Variants in ARHGEF3 observed in about 807,000 individuals in gnomAD.
The protein encoded by ARHGEF3 is 59.8 kDA protein.
Under a neutral mutation model 63.2 loss-of-function variants are expected in ARHGEF3, and 28 were observed. The ratio of observed to expected loss-of-function variants is 0.44; its 90% CI spans 0.33 to 0.61. The LOEUF (loss-of-function observed/expected upper bound fraction) is 0.61, where lower values mean the gene tolerates loss of function less well. Among genes scored for constraint, ARHGEF3 ranks in the 20% least tolerant of loss-of-function variants. ARHGEF3 has a pLI of 0.03. For missense variants in ARHGEF3, 533 were observed against 659.3 expected, an observed-to-expected ratio of 0.81 and a Z score of 2.10; for synonymous variants, 266 against 254.2, an observed-to-expected ratio of 1.05 and a Z score of -0.44.
intron 2 of ARHGEF3, among the ~76,000 whole-genome samples, chr3:57,031,083 G>A (rs1444790600): frequency 6.6e-6 from 1 of 152,090 alleles, no homozygotes; most frequent in African/African-American, 2.4e-5. Flanking sequence ...AAGGATCCTA[G>A]GTCCACCCTA....
At chr3:57,059,345 CA>C (rs1473788211) in intron 1 of ARHGEF3, among the ~76,000 whole-genome samples, 1 of 151,626 alleles carries the variant, frequency 6.6e-6, no homozygotes, top group African/African-American at 2.4e-5. Context: ...TCTTGGGCCA[CA>C]CATAAAATAC....
At chr3:56,842,041 G>A (rs997574564) in intron 4 of ARHGEF3, among the ~76,000 whole-genome samples, 6 of 152,060 alleles carry the variant, frequency 3.9e-5, no homozygotes, top group African/African-American at 1.4e-4. Flanking sequence ...GCCATATGAA[G>A]TAGGAACTAC....
chr3:56,856,503 T>G (rs75897492), intron 4 of ARHGEF3, among the ~76,000 whole-genome samples: 3,537 of 152,188 alleles, frequency 0.023, 50 homozygotes, highest in African/African-American at 0.039. Flanking sequence ...ATACAGATCC[T>G]CTTTACAGAT....
intron 1 of ARHGEF3, among the ~76,000 whole-genome samples, chr3:57,052,860 C>T: frequency 6.6e-6 from 1 of 152,222 alleles, no homozygotes; most frequent in Non-Finnish European, 1.5e-5. Context: ...GAGCACAAAC[C>T]ACCCCCAGGG....
intron 4 of ARHGEF3, among the ~76,000 whole-genome samples, chr3:56,872,290 AC>A (rs1441329356): frequency 2.0e-5 from 3 of 152,196 alleles, no homozygotes; most frequent in African/African-American, 7.2e-5. Context: ...AGGACTATCC[AC>A]AATACAGTGT....
At chr3:56,862,042 A>T (rs953858148) in intron 4 of ARHGEF3, among the ~76,000 whole-genome samples, 4 of 152,186 alleles carry the variant, frequency 2.6e-5, no homozygotes, top group African/African-American at 9.7e-5. Flanking sequence ...CTACAAAGGC[A>T]AAAACATAGA....
rs138925200 is a variant in ARHGEF3 at position 56,961,014 on chromosome 3, C to A, written c.63-2125G>T. On this transcript the variant is annotated intron_variant, in intron 2 of 12. Coordinates refer to the ARHGEF3 transcript ENST00000338458. ...AAATGTGTCTTTATCTTACATGTTG[C>A]AATCCACAGAAGATCACACATAATG... Among the ~76,000 whole-genome samples, 430 of 152,216 alleles carry A rather than the reference C, an allele frequency of 2.8e-3. 1 individual carries two copies. The highest frequency in any genetic ancestry group is 7.1e-3 in the African/African-American group (296 of 41,540).
At chr3:57,047,086 C>T (rs918870862) in intron 1 of ARHGEF3, among the ~76,000 whole-genome samples, 2 of 152,204 alleles carry the variant, frequency 1.3e-5, no homozygotes, top group African/African-American at 2.4e-5. Context: ...TGGTGGCTAA[C>T]GCCTGTAATC....
At chr3:57,019,046 G>A (rs1703137910) in intron 2 of ARHGEF3, among the ~76,000 whole-genome samples, 1 of 152,156 alleles carries the variant, frequency 6.6e-6, no homozygotes, top group Non-Finnish European at 1.5e-5. Context: ...CCAATGTTAA[G>A]CCACCTGGAT....
intron 2 of ARHGEF3, among the ~76,000 whole-genome samples, chr3:57,030,122 G>T (rs1703671445): frequency 6.6e-6 from 1 of 152,214 alleles, no homozygotes; most frequent in Admixed American, 6.5e-5. Context: ...ACTGCCTGCA[G>T]CGCTGGGGCA....
intron 2 of ARHGEF3, among the ~76,000 whole-genome samples, chr3:57,013,775 T>C (rs1702813393): frequency 6.6e-6 from 1 of 152,224 alleles, no homozygotes; most frequent in Admixed American, 6.5e-5. Flanking sequence ...GCTCAGGGAT[T>C]GTAAACATAC....
intron 2 of ARHGEF3, among the ~76,000 whole-genome samples, chr3:56,759,373 T>C (rs2035285548): frequency 6.6e-6 from 1 of 151,830 alleles, no homozygotes; most frequent in Non-Finnish European, 1.5e-5. Context: ...AGAGATGGGG[T>C]TTCACCATGT....
intron 2 of ARHGEF3, among the ~76,000 whole-genome samples, chr3:56,988,332 G>A (rs1223281168): frequency 2.0e-5 from 3 of 151,900 alleles, no homozygotes; most frequent in African/African-American, 7.3e-5. Flanking sequence ...TATTTGTAGT[G>A]GAGACGGGGT....
At chr3:56,834,028 T>A (rs564048574) in intron 4 of ARHGEF3, among the ~76,000 whole-genome samples, 18 of 151,882 alleles carry the variant, frequency 1.2e-4, no homozygotes, top group African/African-American at 4.4e-4. Flanking sequence ...CTCAGTCTCC[T>A]GAGTAGCTGA....
At chr3:56,768,264 G>A (rs1247534847) in intron 2 of ARHGEF3, among the ~76,000 whole-genome samples, 1 of 152,064 alleles carries the variant, frequency 6.6e-6, no homozygotes, top group Non-Finnish European at 1.5e-5. Context: ...TCGCCATGTT[G>A]GCCAGGTTGG....
chr3:56,947,454 C>CA lies in ARHGEF3; in HGVS notation c.129+11368dup, dbSNP rs575550862. Among the ~76,000 whole-genome samples the CA allele has an allele frequency of 3.0e-4, 45 of 151,882 alleles. No homozygotes were observed. In the South Asian group the frequency reaches 8.9e-3, roughly 30 times the overall value. ...GAAGATCTACCAAGCAAATGGAAAA[C>CA]AAAAAAATGCAGGGGTTGCAATCCT... On this transcript the variant is annotated intron_variant, in intron 3 of 12. Coordinates refer to the ARHGEF3 transcript ENST00000338458.
At chr3:56,753,349 T>A in intron 4 of ARHGEF3, 155 bp downstream of exon 4, 2 of 655,872 alleles carry the variant, frequency 3.0e-6, no homozygotes, top group Non-Finnish European at 5.3e-6. Flanking sequence ...TATTCTGCCC[T>A]CTTGTTTTGA....
intron 2 of ARHGEF3, among the ~76,000 whole-genome samples, chr3:57,001,166 C>T (rs1040135095): frequency 2.0e-5 from 3 of 152,128 alleles, no homozygotes; most frequent in Non-Finnish European, 2.9e-5. Context: ...TCTTGAACCC[C>T]TGGCCTCAAG....
chr3:56,862,940 A>T (rs1455545410), intron 4 of ARHGEF3, among the ~76,000 whole-genome samples: 5 of 152,260 alleles, frequency 3.3e-5, no homozygotes, highest in African/African-American at 1.2e-4. Context: ...CTAGTGACTC[A>T]CATCTGGTGT....
Sources: gnomAD v4.1 joint callset for allele counts (sites outside exome capture counted in the v4.1 genomes callset) on GRCh38, gnomAD v4.1.1 for gene constraint, MANE v1.5 for transcripts, NCBI Gene and HGNC (gene_info 2026-07-23, HGNC 2026-07-21) for gene names.